Variants in MAD1L1 observed in about 807,000 individuals in gnomAD.
MAD1L1 encodes the protein mitotic spindle assembly checkpoint protein MAD1.
Under a neutral mutation model 96.9 loss-of-function variants are expected in MAD1L1, and 95 were observed. The ratio of observed to expected loss-of-function variants is 0.98; its 90% CI spans 0.83 to 1.16. MAD1L1 has a LOEUF of 1.16. Among genes scored for constraint, MAD1L1 ranks in the 50% most tolerant of loss-of-function variants. MAD1L1 has a pLI of 0.00. For missense variants in MAD1L1, 1,007 were observed against 954.4 expected (o/e 1.06, Z -0.73); for synonymous variants, 473 against 396.6 (o/e 1.19, Z -2.29).
At chr7:1,866,194 G>C (rs529026229) in intron 18 of MAD1L1, among the ~76,000 whole-genome samples, 1 of 152,236 alleles carries the variant, frequency 6.6e-6, no homozygotes, top group South Asian at 2.1e-4. Context: ...CCTGGGTTGG[G>C]AGTATAGGGC....
chr7:1,867,300 A>C (rs1160753870), intron 18 of MAD1L1, among the ~76,000 whole-genome samples: 1 of 152,142 alleles, frequency 6.6e-6, no homozygotes, highest in East Asian at 1.9e-4. Context: ...TGCCGGGACA[A>C]GGAAGTGTGG....
chr7:2,221,439 C>A (rs1793601974), intron 5 of MAD1L1, among the ~76,000 whole-genome samples: 1 of 152,128 alleles, frequency 6.6e-6, no homozygotes, highest in Non-Finnish European at 1.5e-5. Context: ...AGCACGGCCA[C>A]AGGAAGGACC....
At chr7:1,849,799 T>TGGCAGCGGCAGCGGCAGC (rs67135705) in intron 18 of MAD1L1, 1 of 151,678 alleles carries the variant, frequency 6.6e-6, no homozygotes, top group African/African-American at 2.4e-5. Context: ...GACCCCGCAG[T>TGGCAGCGGCAGCGGCAGC]GGCAGCGGCA....
intron 10 of MAD1L1, among the ~76,000 whole-genome samples, chr7:2,161,387 G>A (rs1025540583): frequency 2.4e-4 from 37 of 152,032 alleles, no homozygotes; most frequent in African/African-American, 1.9e-4. Context: ...GATTGCAGAC[G>A]GAGTCTCACT....
chr7:2,045,921 G>A (rs1783899041), intron 12 of MAD1L1, among the ~76,000 whole-genome samples: 1 of 152,212 alleles, frequency 6.6e-6, no homozygotes, highest in African/African-American at 2.4e-5. Context: ...ATCATCTTTA[G>A]GAGACATGGC....
At chr7:2,026,045 G>A (rs149289662) in intron 12 of MAD1L1, among the ~76,000 whole-genome samples, 145 of 152,082 alleles carry the variant, frequency 9.5e-4, no homozygotes, top group African/African-American at 3.1e-3. Flanking sequence ...TGATTTTTAC[G>A]CTGAATATAA....
At chr7:1,920,498 C>A (rs960082957) in intron 17 of MAD1L1, among the ~76,000 whole-genome samples, 8 of 152,184 alleles carry the variant, frequency 5.3e-5, no homozygotes, top group African/African-American at 9.7e-5. Flanking sequence ...ACGCTCTCAC[C>A]CACGGGAGCG....
intron 17 of MAD1L1, among the ~76,000 whole-genome samples, chr7:1,918,786 T>G (rs949333624): frequency 6.6e-6 from 1 of 152,176 alleles, no homozygotes; most frequent in African/African-American, 2.4e-5. Flanking sequence ...CTGCCCCACC[T>G]GGACTGCACT....
At chr7:1,885,843 TC>T (rs1785984714) in intron 18 of MAD1L1, among the ~76,000 whole-genome samples, 1 of 151,998 alleles carries the variant, frequency 6.6e-6, no homozygotes, top group Admixed American at 6.5e-5. Flanking sequence ...GTGGGCCCAC[TC>T]CTCAGGAAAG....
chr7:1,939,011 A>G (rs1483277322), intron 16 of MAD1L1, among the ~76,000 whole-genome samples: 27 of 128,624 alleles, frequency 2.1e-4, no homozygotes, highest in African/African-American at 7.9e-4. Flanking sequence ...ACACACACAC[A>G]CACACACACA....
chr7:2,005,399 C>G (rs185614797), intron 13 of MAD1L1, among the ~76,000 whole-genome samples: 16 of 152,206 alleles, frequency 1.1e-4, no homozygotes, highest in East Asian at 3.8e-4. Context: ...TGAAAACTTA[C>G]AATCTGTGCA....
At chr7:1,921,118 G>A (rs368081556) in intron 17 of MAD1L1, among the ~76,000 whole-genome samples, 80 of 152,264 alleles carry the variant, frequency 5.3e-4, no homozygotes, top group Admixed American at 1.1e-3. Context: ...TGCCTGGACC[G>A]GAGCCTGCAA....
intron 11 of MAD1L1, among the ~76,000 whole-genome samples, chr7:2,086,044 A>T (rs1363996951): frequency 6.6e-6 from 1 of 152,164 alleles, no homozygotes; most frequent in Non-Finnish European, 1.5e-5. Flanking sequence ...ACCCCCAGGA[A>T]TCCCACCCTG....
intron 18 of MAD1L1, among the ~76,000 whole-genome samples, chr7:1,863,781 G>C (rs528486267): frequency 1.1e-4 from 17 of 152,212 alleles, no homozygotes; most frequent in Admixed American, 2.6e-4. Context: ...GCACCCGGGG[G>C]CCCAAGGATA....
At chr7:1,930,913 G>A (rs138490052) in intron 17 of MAD1L1, among the ~76,000 whole-genome samples, 10 of 152,258 alleles carry the variant, frequency 6.6e-5, no homozygotes, top group East Asian at 1.9e-4. Flanking sequence ...CAGCCAGGCC[G>A]GGGAGGAGCA....
At chr7:1,921,674 A>C (rs577223758) in intron 17 of MAD1L1, among the ~76,000 whole-genome samples, 1 of 152,348 alleles carries the variant, frequency 6.6e-6, no homozygotes, top group East Asian at 1.9e-4. Context: ...GAAAACCTTT[A>C]AGTCAAAAAA....
chr7:1,973,338 G>A (rs1780486497), intron 15 of MAD1L1, among the ~76,000 whole-genome samples: 1 of 152,174 alleles, frequency 6.6e-6, no homozygotes, highest in South Asian at 2.1e-4. Flanking sequence ...CAGAGTGGGA[G>A]TTCTGCCACC....
At chr7:2,127,019 C>T (rs910740378) in intron 11 of MAD1L1, among the ~76,000 whole-genome samples, 5 of 152,358 alleles carry the variant, frequency 3.3e-5, no homozygotes, top group Middle Eastern at 3.4e-3. Flanking sequence ...CGAAGCACAT[C>T]CGAGGCCTCG....
intron 18 of MAD1L1, among the ~76,000 whole-genome samples, chr7:1,830,483 G>T (rs1782650176): frequency 6.6e-6 from 1 of 152,214 alleles, no homozygotes; most frequent in Non-Finnish European, 1.5e-5. Flanking sequence ...ATGAGGGGTG[G>T]GAGCTGCATG....
Sources: allele counts gnomAD v4.1 joint callset (sites outside exome capture counted in the v4.1 genomes callset), GRCh38; gene constraint gnomAD v4.1.1; transcripts MANE v1.5; gene names NCBI Gene and HGNC (gene_info 2026-07-23, HGNC 2026-07-21).